The following ABCG2 variants were observed in gnomAD, a reference collection of about 807,000 sequenced individuals.
The protein encoded by ABCG2 is ATP binding cassette subfamily G member 2 (JR blood group).
A neutral mutation model predicts 73.5 loss-of-function variants in ABCG2; 80 were observed. That is an observed-to-expected ratio of 1.09 (90% confidence interval 0.91 to 1.31). The LOEUF is 1.31. Ranked by LOEUF, ABCG2 falls within the 50% of genes most tolerant of loss-of-function variation. The pLI is 0.00. For synonymous variants in ABCG2, 269 were observed against 282.4 expected (o/e 0.95, Z 0.48); for missense variants, 796 against 786.2 (o/e 1.01, Z -0.15).
At chr4:88,228,414 G>T (rs28417337) in intron 1 of ABCG2, among the ~76,000 whole-genome samples, 373 of 152,268 alleles carry the variant, frequency 2.4e-3, no homozygotes, top group Admixed American at 3.9e-3. Context: ...GTCTAATTCA[G>T]ACCCGGGATA....
At chr4:88,161,310 A>G (rs1256200555), upstream of ABCG2, among the ~76,000 whole-genome samples, 13 of 99,166 alleles carry the variant, frequency 1.3e-4, no homozygotes, top group African/African-American at 4.3e-4. Flanking sequence ...TCCCAATGCT[A>G]TCCCTCCCCC....
intron 5 of ABCG2, among the ~76,000 whole-genome samples, chr4:88,126,793 A>G (rs1724447319): frequency 3.3e-5 from 5 of 152,224 alleles, no homozygotes; most frequent in Admixed American, 3.3e-4. Flanking sequence ...AATAAGAGCT[A>G]TTTATGACAA....
In ABCG2 at chr4:88,090,691, G is replaced by A. The variant is rs902320033; in HGVS notation, c.*1543C>T. On this transcript the variant is annotated 3_prime_UTR_variant, in exon 16 of 16. Coordinates refer to ENST00000237612, the MANE Select transcript of ABCG2 (RefSeq NM_004827.3). ...CCCAGCTCAGTTAACTCCTGTAAGT[G>A]CTGAAAAGTATTTACTTTTAAAAAA... is the stretch of plus-strand genomic sequence containing the variant. The A allele has an allele frequency of 2.0e-5, 3 of 152,180 alleles. No individual in the cohort carries two copies. Among genetic ancestry groups the A allele is most frequent in the Admixed American group, 6.5e-5 (1 of 15,272 alleles). The allele number at this position is 152,180 out of a possible 1,614,324, so 9.4% of individuals were successfully genotyped here.
At chr4:88,204,611 G>A (rs139750096) in intron 1 of ABCG2, among the ~76,000 whole-genome samples, 65 of 152,304 alleles carry the variant, frequency 4.3e-4, no homozygotes, top group Middle Eastern at 3.4e-3. Context: ...CCAAGTGTAT[G>A]CACAAGTTTT....
chr4:88,196,014 C>A (rs1315358507), intron 1 of ABCG2, among the ~76,000 whole-genome samples: 1 of 152,188 alleles, frequency 6.6e-6, no homozygotes, highest in Non-Finnish European at 1.5e-5. Context: ...TCAGGTGTTT[C>A]TATCTATTGG....
chr4:88,199,354 G>A (rs1001510063), intron 1 of ABCG2, among the ~76,000 whole-genome samples: 3 of 152,048 alleles, frequency 2.0e-5, no homozygotes, highest in Admixed American at 6.6e-5. Flanking sequence ...GAAACTCGAA[G>A]AATACCAGGA....
chr4:88,166,686 A>T (rs1727533315), intron 1 of ABCG2, among the ~76,000 whole-genome samples: 1 of 152,222 alleles, frequency 6.6e-6, no homozygotes, highest in African/African-American at 2.4e-5. Flanking sequence ...ATTCACAAAG[A>T]TGTGAAGGTA....
At chr4:88,188,641 A>G (rs1001732968) in intron 1 of ABCG2, among the ~76,000 whole-genome samples, 19 of 43,468 alleles carry the variant, frequency 4.4e-4, no homozygotes, top group African/African-American at 1.8e-3. Flanking sequence ...TTCTATTTCT[A>G]CAAAAAAATG....
intron 2 of ABCG2, among the ~76,000 whole-genome samples, chr4:88,138,866 G>A (rs954765013): frequency 1.3e-5 from 2 of 152,156 alleles, no homozygotes; most frequent in East Asian, 1.9e-4. Context: ...AAAAAAATGC[G>A]TGGCCTGGCA....
chr4:88,210,704 C>T (rs1380225953), intron 1 of ABCG2, among the ~76,000 whole-genome samples: 1 of 151,774 alleles, frequency 6.6e-6, no homozygotes, highest in Non-Finnish European at 1.5e-5. Context: ...GCAATTCTCC[C>T]ACCTCAGCCC....
intron 1 of ABCG2, among the ~76,000 whole-genome samples, chr4:88,211,052 C>T (rs1446832841): frequency 6.6e-6 from 1 of 151,758 alleles, no homozygotes; most frequent in African/African-American, 2.4e-5. Flanking sequence ...TTAACCACTG[C>T]ACTCTAGCTT....
chr4:88,217,225 G>T (rs2869736), intron 1 of ABCG2, among the ~76,000 whole-genome samples: 78,687 of 151,802 alleles, frequency 0.52, 21,736 homozygotes, highest in African/African-American at 0.7. Context: ...AGATCTTACA[G>T]AGCAGCTGGC....
chr4:88,209,535 C>T (rs766785789), intron 1 of ABCG2, among the ~76,000 whole-genome samples: 22 of 151,270 alleles, frequency 1.5e-4, no homozygotes, highest in Admixed American at 7.2e-4. Flanking sequence ...TGGTGGTGAG[C>T]GCCTGTAATC....
chr4:88,169,046 C>CTT (rs55711211), intron 1 of ABCG2, among the ~76,000 whole-genome samples: 2,410 of 138,828 alleles, frequency 0.017, 44 homozygotes, highest in Non-Finnish European at 0.027. Context: ...AAGTAGTTAT[C>CTT]TTTTTTTTTT....
At chr4:88,151,561 A>G (rs929078215) in intron 1 of ABCG2, among the ~76,000 whole-genome samples, 3 of 152,000 alleles carry the variant, frequency 2.0e-5, no homozygotes, top group African/African-American at 7.2e-5. Context: ...ACACGGTGAA[A>G]CCCCATCTCT....
At chr4:88,162,438 T>C (rs533867296), upstream of ABCG2, among the ~76,000 whole-genome samples, 2 of 152,308 alleles carry the variant, frequency 1.3e-5, no homozygotes, top group African/African-American at 4.8e-5. Flanking sequence ...TCCTTAATTT[T>C]AGTCTAATTT....
At chr4:88,125,629 A>AAAAAC (rs1560689156) in intron 5 of ABCG2, among the ~76,000 whole-genome samples, 2 of 149,928 alleles carry the variant, frequency 1.3e-5, no homozygotes, top group East Asian at 1.9e-4. Flanking sequence ...AAAAAAAAAA[A>AAAAAC]AAAAAAACTG....
rs560558801 is a variant in ABCG2, at chr4:88,152,580, A to C, written c.-20+5806T>G. 4.2e-4 allele frequency among the ~76,000 whole-genome samples: 64 copies of C among 152,236 alleles called. No individual in the cohort carries two copies. In the South Asian group the frequency reaches 0.013, roughly 32 times the overall value. On this transcript the variant is annotated intron_variant, in intron 1 of 15. Transcript: ENST00000237612. The stretch of plus-strand genomic sequence containing the variant: ...ATGAGCCAGGAGAAGGAATTTCACA[A>C]GGTAATGTCATCAGTTAAGGCAGGA...
At chr4:88,174,082 G>A (rs1340285615) in intron 1 of ABCG2, among the ~76,000 whole-genome samples, 2 of 151,838 alleles carry the variant, frequency 1.3e-5, no homozygotes, top group African/African-American at 2.4e-5. Context: ...TTGTAGACAG[G>A]GTTTTTGAAG....
Sources: allele counts gnomAD v4.1 joint callset (sites outside exome capture counted in the v4.1 genomes callset), GRCh38; gene constraint gnomAD v4.1.1; transcripts MANE v1.5; gene names NCBI Gene and HGNC (gene_info 2026-07-23, HGNC 2026-07-21).